LARP1B: variants seen among roughly 807,000 people sequenced by gnomAD.
The protein encoded by LARP1B is La ribonucleoprotein 1B.
Under a neutral mutation model 114.2 loss-of-function variants are expected in LARP1B, and 76 were observed. That is an observed-to-expected ratio of 0.67 (90% confidence interval 0.55 to 0.81). LARP1B has a LOEUF of 0.81. Ranked by LOEUF, LARP1B falls within the 30% of genes least tolerant of loss-of-function variation. The probability of loss-of-function intolerance (pLI) is 0.00; values close to 1 mark genes in which losing one functional copy is unlikely to be tolerated. For synonymous variants in LARP1B, 345 were observed against 348.0 expected (o/e 0.99, Z 0.10); for missense variants, 1,014 against 1,075.8 (o/e 0.94, Z 0.80).
intron 11 of LARP1B, among the ~76,000 whole-genome samples, chr4:128,128,869 A>T (rs77997508): frequency 6.6e-6 from 1 of 152,290 alleles, no homozygotes; most frequent in Non-Finnish European, 1.5e-5. Flanking sequence ...CAAAACCCTG[A>T]TGAAAGAAAA....
chr4:128,081,765 C>T (rs895166733), intron 4 of LARP1B, among the ~76,000 whole-genome samples: 1 of 152,158 alleles, frequency 6.6e-6, no homozygotes, highest in Non-Finnish European at 1.5e-5. Context: ...TCTTGGACAA[C>T]CAGCTATCAC....
At chr4:128,083,660 C>CGG in intron 5 of LARP1B, among the ~76,000 whole-genome samples, 1 of 92,440 alleles carries the variant, frequency 1.1e-5, no homozygotes, top group Non-Finnish European at 2.4e-5. Context: ...GGCGGCTGGC[C>CGG]AGGTGGGGGG....
chr4:128,113,086 G>A (rs1870686), intron 9 of LARP1B, among the ~76,000 whole-genome samples: 95,778 of 151,948 alleles, frequency 0.63, 30,631 homozygotes, highest in Middle Eastern at 0.81. Flanking sequence ...AATATTTTCA[G>A]TGAATTGACT....
chr4:128,200,706 TTTC>T (rs1328310477), intron 17 of LARP1B, 41 bp downstream of exon 17: 21 of 1,391,826 alleles, frequency 1.5e-5, no homozygotes, highest in African/African-American at 7.4e-5. Context: ...GTTTTATTAT[TTTC>T]TTCTTCTTTT....
At chr4:128,179,101 C>G (rs1307690735) in intron 14 of LARP1B, among the ~76,000 whole-genome samples, 2 of 152,068 alleles carry the variant, frequency 1.3e-5, no homozygotes, top group African/African-American at 4.8e-5. Context: ...TAAAAATAAA[C>G]AAACAAACAA....
chr4:128,206,375 C>A, intron 17 of LARP1B, 53 bp from the exon 18 acceptor site: 1 of 1,005,514 alleles, frequency 9.9e-7, no homozygotes, highest in Non-Finnish European at 1.4e-6. Context: ...ATTGATGTTA[C>A]TAACTATAGA....
At chr4:128,146,695 A>G (rs569243663) in intron 11 of LARP1B, among the ~76,000 whole-genome samples, 28 of 152,318 alleles carry the variant, frequency 1.8e-4, no homozygotes, top group African/African-American at 5.5e-4. Context: ...GCAGTGTCCT[A>G]TTAACATAGA....
chr4:128,118,884 T>C (rs1480293144), intron 10 of LARP1B, among the ~76,000 whole-genome samples: 2 of 148,588 alleles, frequency 1.3e-5, no homozygotes, highest in Non-Finnish European at 3.0e-5. Context: ...CCACAGTCTT[T>C]TTTTTTTTTT....
At chr4:128,101,455 G>A (rs1176450475) in intron 8 of LARP1B, among the ~76,000 whole-genome samples, 3 of 151,784 alleles carry the variant, frequency 2.0e-5, no homozygotes, top group African/African-American at 7.2e-5. Flanking sequence ...TATAATTAAT[G>A]ATTCTTGGTT....
At chr4:128,175,300 G>A (rs1237695374) in intron 12 of LARP1B, among the ~76,000 whole-genome samples, 1 of 152,054 alleles carries the variant, frequency 6.6e-6, no homozygotes, top group Non-Finnish European at 1.5e-5. Context: ...TAGCATCATA[G>A]CATATCTGTC....
At chr4:128,156,230 G>T in intron 11 of LARP1B, 1 of 1,509,228 alleles carries the variant, frequency 6.6e-7, no homozygotes, top group South Asian at 1.2e-5. Flanking sequence ...CTCCCTGCAG[G>T]TGCCACCCTA....
At chr4:128,069,628 G>A (rs1764418278) in intron 1 of LARP1B, 4 of 648,490 alleles carry the variant, frequency 6.2e-6, no homozygotes, top group Non-Finnish European at 1.1e-5. Flanking sequence ...CTTACCTGAT[G>A]GCTGCTGCTA....
intron 7 of LARP1B, among the ~76,000 whole-genome samples, chr4:128,097,626 C>G (rs553904300): frequency 2.6e-4 from 39 of 152,230 alleles, no homozygotes; most frequent in African/African-American, 8.9e-4. Flanking sequence ...GAGTTTTTAA[C>G]TAAGAATTGT....
At chr4:128,199,088 CTAAAT>C in intron 15 of LARP1B, among the ~76,000 whole-genome samples, 1 of 152,256 alleles carries the variant, frequency 6.6e-6, no homozygotes, top group East Asian at 1.9e-4. Flanking sequence ...CATCACTAAC[CTAAAT>C]TATTCAAGAT....
At chr4:128,089,340 TCTAC>T (rs1774929664) in intron 5 of LARP1B, among the ~76,000 whole-genome samples, 1 of 152,212 alleles carries the variant, frequency 6.6e-6, no homozygotes, top group Non-Finnish European at 1.5e-5. Context: ...ATATGAATGT[TCTAC>T]CTGTTTTTTG....
intron 1 of LARP1B, 162 bp downstream of exon 1, chr4:128,061,563 C>G (rs1488324344): frequency 1.9e-6 from 1 of 533,476 alleles, no homozygotes. Flanking sequence ...GCGGCAGCGG[C>G]GGCCACGGCC....
At chr4:128,066,364 G>A (rs1316682801) in intron 1 of LARP1B, among the ~76,000 whole-genome samples, 1 of 151,334 alleles carries the variant, frequency 6.6e-6, no homozygotes, top group African/African-American at 2.4e-5. Context: ...TATTTTAGTA[G>A]AGACGGGATT....
At position 128,220,416 on chromosome 4, in the gene LARP1B, A is replaced by G. The variant is rs1011199610; in HGVS notation, n.910A>G. On this transcript the variant is annotated non_coding_transcript_exon_variant, in exon 7 of 8. Coordinates refer to the LARP1B transcript ENST00000503725. ...CCATGAGATGGCAAAACGGAATGTC[A>G]GATCTGTAGACTTTTGACAGGAAAG... The G allele has an allele frequency of 1.6e-5, 14 of 889,672 alleles. No homozygotes were observed. The African/African-American group carries it at 2.2e-4, about 14-fold the overall frequency. 55.1% of individuals were successfully genotyped at this position (889,672 alleles called of 1,614,324 possible). A position where few individuals can be genotyped will look rare whatever the true frequency, so the allele number is the denominator to read the frequency against.
At chr4:128,151,317 C>T (rs1732693160) in intron 11 of LARP1B, among the ~76,000 whole-genome samples, 1 of 152,144 alleles carries the variant, frequency 6.6e-6, no homozygotes, top group African/African-American at 2.4e-5. Context: ...AGAAGTTTAA[C>T]ATTGATAGAA....
Sources: allele counts gnomAD v4.1 joint callset (sites outside exome capture counted in the v4.1 genomes callset), GRCh38; gene constraint gnomAD v4.1.1; transcripts MANE v1.5; gene names NCBI Gene and HGNC (gene_info 2026-07-23, HGNC 2026-07-21).